The following CACNA1I variants were observed in gnomAD, a reference collection of about 807,000 sequenced individuals.
CACNA1I encodes the protein voltage-dependent T-type calcium channel subunit alpha-1I.
In CACNA1I, 74 loss-of-function variants were observed where a neutral mutation model predicts 201.6. The ratio of observed to expected loss-of-function variants is 0.37; its 90% CI spans 0.30 to 0.45. CACNA1I has a LOEUF of 0.45. CACNA1I is among the 20% of genes least tolerant of loss of function. The pLI is 1.00. For synonymous variants in CACNA1I, 1,431 were observed against 1,345.2 expected (o/e 1.06, Z -1.40); for missense variants, 2,346 against 3,138.1 (o/e 0.75, Z 6.03).
Position 39,664,763 on chromosome 22 carries a change from G to A in CACNA1I, c.3691G>A (p.Gly1231Ser), listed in dbSNP as rs376169293. 2.0e-4 allele frequency: 318 copies of A among 1,590,156 alleles called. No homozygotes were observed. Among genetic ancestry groups the A allele is most frequent in the Non-Finnish European group, 2.0e-4 (240 of 1,170,840 alleles). ...LKVVSLGLYF[G>S]EQAYLRSSWN... ...GGTAGTCTCGCTGGGCCTGTACTTCGGCGAGCAGGCGTACCTACGCAGCAG... is the reference window on the plus strand; with the variant it reads ...GGTAGTCTCGCTGGGCCTGTACTTCAGCGAGCAGGCGTACCTACGCAGCAG... The change falls in exon 21 of 37, where the codon GGC (glycine) becomes AGC (serine). Residue 1231 changes from glycine (G) to serine (S), a missense_variant. By Grantham distance (56) the Gly-to-Ser change is moderately conservative. Around this residue, in one of 13 missense-constraint regions of CACNA1I, gnomAD observed 158 missense variants for 231.6 expected, o/e 0.68. Transcript: ENST00000402142.
intron 3 of CACNA1I, among the ~76,000 whole-genome samples, chr22:39,605,757 G>C (rs1933203483): frequency 6.6e-6 from 1 of 152,110 alleles, no homozygotes; most frequent in African/African-American, 2.4e-5. Flanking sequence ...GACAGACCTG[G>C]GGTAGGTAAG....
intron 3 of CACNA1I, 83 bp downstream of exon 3, chr22:39,600,736 C>T (rs910729274): frequency 1.9e-5 from 27 of 1,451,342 alleles, no homozygotes; most frequent in Admixed American, 1.4e-4. Context: ...TTGCTGATGG[C>T]GATGAAGGGG....
intron 4 of CACNA1I, among the ~76,000 whole-genome samples, chr22:39,632,032 A>G (rs1013087247): frequency 1.3e-5 from 2 of 151,882 alleles, no homozygotes; most frequent in African/African-American, 4.8e-5. Flanking sequence ...GGGAGGAGGG[A>G]CGGGGCTGCC....
At chr22:39,626,549 G>C (rs1212552463) in intron 4 of CACNA1I, among the ~76,000 whole-genome samples, 1 of 152,198 alleles carries the variant, frequency 6.6e-6, no homozygotes, top group Non-Finnish European at 1.5e-5. Context: ...GGGAAAAGGA[G>C]AGGGTTGTTC....
Position 39,598,248 on chromosome 22 carries a change from T to C in CACNA1I, c.334T>C (p.Cys112Arg). 2 of 1,591,456 alleles carry C rather than the reference T, an allele frequency of 1.3e-6. No homozygotes were observed. The highest frequency in any genetic ancestry group is 1.7e-6 in the Non-Finnish European group (2 of 1,169,508). ...CGACATGGACTGCCTGTCCGACCGC[T>C]GCAAGATCCTGCAGGTGAGCCGGCC... is the stretch of plus-strand genomic sequence containing the variant. ...CDDMDCLSDR[C>R]KILQVFDDFI... is the part of the protein sequence containing the mutation. The change falls in exon 2 of 37, where the codon TGC (cysteine) becomes CGC (arginine). Residue 112 changes from cysteine (C) to arginine (R), a missense_variant. Cys to Arg is a radical substitution (Grantham distance 180, BLOSUM62 -3). Around this residue, in one of 13 missense-constraint regions of CACNA1I, gnomAD observed 130 missense variants for 160.7 expected, o/e 0.81. Transcript: ENST00000402142.
intron 3 of CACNA1I, among the ~76,000 whole-genome samples, chr22:39,612,175 G>A (rs994144110): frequency 6.6e-6 from 1 of 152,006 alleles, no homozygotes. Flanking sequence ...CTGATGAGAG[G>A]GATGAGTTTG....
chr22:39,673,127 G>T (rs540693540), intron 28 of CACNA1I, 45 bp downstream of exon 28: 1 of 1,576,748 alleles, frequency 6.3e-7, no homozygotes, highest in South Asian at 1.2e-5. Context: ...AAGCAGGGGC[G>T]GGATGAGACT....
At chr22:39,660,688 C>T (rs1421644651) in intron 15 of CACNA1I, among the ~76,000 whole-genome samples, 1 of 152,206 alleles carries the variant, frequency 6.6e-6, no homozygotes, top group East Asian at 1.9e-4. Flanking sequence ...CATACCAGGG[C>T]CCCTTGGTTA....
intron 31 of CACNA1I, 85 bp downstream of exon 31, chr22:39,678,193 A>T: frequency 2.0e-6 from 3 of 1,470,260 alleles, no homozygotes; most frequent in Non-Finnish European, 1.8e-6. Flanking sequence ...GGCTCTGCCC[A>T]CCCAGGGCCC....
At chr22:39,628,408 G>C (rs1180804508) in intron 4 of CACNA1I, among the ~76,000 whole-genome samples, 1 of 152,050 alleles carries the variant, frequency 6.6e-6, no homozygotes, top group Non-Finnish European at 1.5e-5. Flanking sequence ...TAGGACACTT[G>C]AAGGATGCCT....
At chr22:39,642,622 C>T (rs576223461) in intron 6 of CACNA1I, among the ~76,000 whole-genome samples, 175 bp from the exon 7 acceptor site, 20 of 152,324 alleles carry the variant, frequency 1.3e-4, no homozygotes, top group Admixed American at 3.3e-4. Context: ...CACTGAGCCT[C>T]AGTTTCCTCA....
intron 10 of CACNA1I, among the ~76,000 whole-genome samples, chr22:39,654,350 C>T (rs1215796205): frequency 6.6e-6 from 1 of 152,224 alleles, no homozygotes; most frequent in Non-Finnish European, 1.5e-5. Flanking sequence ...GCAGCTTTAT[C>T]ATGTCCTGGA....
chr22:39,628,562 TGGCTTCCTTTCTCAGCAGTG>T (rs1933961528), intron 4 of CACNA1I, among the ~76,000 whole-genome samples: 1 of 151,992 alleles, frequency 6.6e-6, no homozygotes, highest in Admixed American at 6.5e-5. Flanking sequence ...TGGCTGAGGT[TGGCTTCCTTTCTCAGCAGTG>T]GGCACCAAGG....
At chr22:39,640,599 T>G (rs1934328314) in intron 5 of CACNA1I, among the ~76,000 whole-genome samples, 2 of 151,498 alleles carry the variant, frequency 1.3e-5, no homozygotes, top group East Asian at 1.9e-4. Flanking sequence ...CCCGAGGGAG[T>G]TGAGGGCATC....
At chr22:39,623,837 G>A (rs1234562789) in intron 4 of CACNA1I, among the ~76,000 whole-genome samples, 3 of 147,742 alleles carry the variant, frequency 2.0e-5, no homozygotes, top group African/African-American at 7.6e-5. Context: ...GTGTGCCTCT[G>A]AGCGTGTGTG....
At chr22:39,644,240 G>C (rs967665747) in intron 7 of CACNA1I, among the ~76,000 whole-genome samples, 7 of 152,218 alleles carry the variant, frequency 4.6e-5, no homozygotes, top group Non-Finnish European at 1.0e-4. Context: ...AGGGGCTGGA[G>C]GATGCTCCAT....
At chr22:39,594,001 TC>T (rs1932851762) in intron 1 of CACNA1I, among the ~76,000 whole-genome samples, 1 of 151,876 alleles carries the variant, frequency 6.6e-6, no homozygotes. Context: ...TGGGTCAGGG[TC>T]CTGGGGAGAC....
At chr22:39,682,976 A>C (rs1935749546) in intron 35 of CACNA1I, among the ~76,000 whole-genome samples, 1 of 152,062 alleles carries the variant, frequency 6.6e-6, no homozygotes, top group South Asian at 2.1e-4. Flanking sequence ...GGCTCTCATC[A>C]AGCAGAAGGA....
rs527846724 is a variant in CACNA1I, at chr22:39,634,777, A to C, written c.740+53A>C. On this transcript the variant is annotated intron_variant, in intron 5 of 36. Coordinates refer to ENST00000402142, the MANE Select transcript of CACNA1I (RefSeq NM_021096.4). Reference sequence around the variant, plus strand: ...GCTCCGGGGACTCTTACTAAGACACAGTTTTAACCTTCTGGGTCATTGGGA... The same window carrying C: ...GCTCCGGGGACTCTTACTAAGACACCGTTTTAACCTTCTGGGTCATTGGGA... 6 of 1,552,066 alleles carry C rather than the reference A, an allele frequency of 3.9e-6. No homozygotes were observed. The South Asian group carries it at 5.8e-5, about 15-fold the overall frequency.
Sources: allele counts gnomAD v4.1 joint callset (sites outside exome capture counted in the v4.1 genomes callset), GRCh38; gene constraint gnomAD v4.1.1; regional missense constraint gnomAD v4.1.1; transcripts MANE v1.5; gene names NCBI Gene and HGNC (gene_info 2026-07-23, HGNC 2026-07-21).